Variants in FAM135B observed in about 807,000 individuals in gnomAD.
FAM135B encodes the protein protein FAM135B.
FAM135B carries 43 observed loss-of-function variants against 127.7 expected under a neutral mutation model. The ratio of observed to expected loss-of-function variants is 0.34; its 90% CI spans 0.26 to 0.43. The LOEUF (loss-of-function observed/expected upper bound fraction) is 0.43. Ranked by LOEUF, FAM135B falls within the 20% of genes least tolerant of loss-of-function variation. FAM135B has a pLI of 1.00. For synonymous variants in FAM135B, 670 were observed against 665.1 expected (o/e 1.01, Z -0.11); for missense variants, 1,558 against 1,725.6 (o/e 0.90, Z 1.72).
intron 1 of FAM135B, among the ~76,000 whole-genome samples, chr8:138,371,572 C>A (rs1215898203): frequency 2.0e-5 from 3 of 152,148 alleles, no homozygotes; most frequent in Non-Finnish European, 4.4e-5. Flanking sequence ...ATACATCATG[C>A]TCAGGAAGAG....
intron 3 of FAM135B, among the ~76,000 whole-genome samples, chr8:138,277,700 T>C (rs1823940042): frequency 6.6e-6 from 1 of 152,100 alleles, no homozygotes; most frequent in African/African-American, 2.4e-5. Context: ...ATCCCACACA[T>C]TTCAAACTGT....
intron 13 of FAM135B, 135 bp from the exon 14 acceptor site, chr8:138,148,821 C>T (rs1817867565): frequency 1.7e-6 from 1 of 597,076 alleles, no homozygotes; most frequent in South Asian, 2.3e-5. Flanking sequence ...GACTTGAGCC[C>T]CCAGGGAACA....
chr8:138,316,824 G>T (rs1171635332), intron 2 of FAM135B, among the ~76,000 whole-genome samples: 1 of 151,670 alleles, frequency 6.6e-6, no homozygotes, highest in Middle Eastern at 3.4e-3. Flanking sequence ...ACTAAAAATA[G>T]AAAAAGTAAG....
At chr8:138,351,919 A>C (rs1698308137) in intron 2 of FAM135B, among the ~76,000 whole-genome samples, 1 of 152,124 alleles carries the variant, frequency 6.6e-6, no homozygotes, top group South Asian at 2.1e-4. Flanking sequence ...TGAACTCCTC[A>C]CCTCAGGTGA....
intron 2 of FAM135B, among the ~76,000 whole-genome samples, chr8:138,318,103 C>A (rs1285404955): frequency 6.6e-6 from 1 of 152,196 alleles, no homozygotes; most frequent in Non-Finnish European, 1.5e-5. Context: ...GCAGCGGCAG[C>A]CATGGCCACA....
At chr8:138,285,868 G>A (rs1353547667) in intron 3 of FAM135B, among the ~76,000 whole-genome samples, 1 of 152,184 alleles carries the variant, frequency 6.6e-6, no homozygotes, top group Non-Finnish European at 1.5e-5. Flanking sequence ...AATGGAGTGT[G>A]GAAGTGATGT....
intron 1 of FAM135B, among the ~76,000 whole-genome samples, chr8:138,415,991 A>G (rs561937993): frequency 6.6e-6 from 1 of 152,254 alleles, no homozygotes; most frequent in East Asian, 1.9e-4. Context: ...TGTTCTCTGC[A>G]GCCTTTTGGA....
At chr8:138,169,702 C>T (rs1333330611) in intron 11 of FAM135B, among the ~76,000 whole-genome samples, 2 of 152,270 alleles carry the variant, frequency 1.3e-5, no homozygotes, top group African/African-American at 4.8e-5. Flanking sequence ...ATATGCTGAG[C>T]ACCTGTGAAC....
chr8:138,171,220 T>C (rs1820409822), intron 11 of FAM135B, among the ~76,000 whole-genome samples: 1 of 152,204 alleles, frequency 6.6e-6, no homozygotes. Flanking sequence ...GTTCTGTCTC[T>C]CTGGAGAACG....
intron 7 of FAM135B, among the ~76,000 whole-genome samples, chr8:138,210,671 G>T (rs1302025691): frequency 6.6e-6 from 1 of 152,080 alleles, no homozygotes; most frequent in South Asian, 2.1e-4. Context: ...CCATCCCCAT[G>T]ATCCAATCAC....
chr8:138,427,273 T>TCA (rs1554691119), intron 1 of FAM135B, among the ~76,000 whole-genome samples: 1 of 146,318 alleles, frequency 6.8e-6, no homozygotes, highest in Non-Finnish European at 1.5e-5. Flanking sequence ...TTCATCAAGA[T>TCA]TATATATATA....
At chr8:138,403,740 T>C (rs1486944377) in intron 1 of FAM135B, among the ~76,000 whole-genome samples, 1 of 151,964 alleles carries the variant, frequency 6.6e-6, no homozygotes, top group Non-Finnish European at 1.5e-5. Flanking sequence ...TATCTGCCCA[T>C]TCCCCTCCCC....
chr8:138,353,990 A>C (rs919998016), intron 2 of FAM135B, among the ~76,000 whole-genome samples: 1 of 152,044 alleles, frequency 6.6e-6, no homozygotes, highest in African/African-American at 2.4e-5. Flanking sequence ...GAACTTCTTA[A>C]CCATCACTGC....
chr8:138,348,629 A>G (rs917039005), intron 2 of FAM135B, among the ~76,000 whole-genome samples: 1 of 152,198 alleles, frequency 6.6e-6, no homozygotes, highest in African/African-American at 2.4e-5. Context: ...ACTGCCCACA[A>G]CAACCCTTTT....
intron 1 of FAM135B, among the ~76,000 whole-genome samples, chr8:138,460,564 C>T (rs1165237687): frequency 6.6e-6 from 1 of 152,208 alleles, no homozygotes; most frequent in African/African-American, 2.4e-5. Flanking sequence ...TCAGAGTATA[C>T]ATTTGTGCCT....
intron 1 of FAM135B, among the ~76,000 whole-genome samples, chr8:138,441,949 G>C (rs1338597343): frequency 6.6e-6 from 1 of 151,686 alleles, no homozygotes; most frequent in South Asian, 2.1e-4. Flanking sequence ...GGAAATAAGG[G>C]GGAAAAAGAG....
chr8:138,170,999 C>T (rs1462083299), intron 11 of FAM135B, among the ~76,000 whole-genome samples: 1 of 152,136 alleles, frequency 6.6e-6, no homozygotes, highest in African/African-American at 2.4e-5. Context: ...TCAACAACAC[C>T]CTCTGCACTC....
chr8:138,186,125 C>G (rs1219308581), intron 9 of FAM135B, among the ~76,000 whole-genome samples: 4 of 152,146 alleles, frequency 2.6e-5, no homozygotes, highest in Non-Finnish European at 5.9e-5. Context: ...CCGGCCTCCC[C>G]AGGCAAGATA....
intron 1 of FAM135B, among the ~76,000 whole-genome samples, chr8:138,414,818 G>A (rs1183154768): frequency 1.3e-5 from 2 of 152,086 alleles, no homozygotes; most frequent in Non-Finnish European, 1.5e-5. Context: ...CTGGCTGAGT[G>A]TCCTAATTCT....
Sources: allele counts gnomAD v4.1 joint callset (sites outside exome capture counted in the v4.1 genomes callset), GRCh38; gene constraint gnomAD v4.1.1; transcripts MANE v1.5; gene names NCBI Gene and HGNC (gene_info 2026-07-23, HGNC 2026-07-21).